Variants in PCDHGB1 observed in about 807,000 individuals in gnomAD.
The protein encoded by PCDHGB1 is protocadherin gamma-B1.
PCDHGB1 carries 34 observed loss-of-function variants against 56.6 expected under a neutral mutation model. The observed-to-expected ratio is 0.60, with a 90% CI of 0.46 to 0.80. The LOEUF (loss-of-function observed/expected upper bound fraction) is 0.80. Among genes scored for constraint, PCDHGB1 ranks in the 30% least tolerant of loss-of-function variants. PCDHGB1 has a pLI of 0.00. For missense variants in PCDHGB1, 1,278 were observed against 1,204.6 expected (o/e 1.06, Z -0.90); for synonymous variants, 561 against 505.9 (o/e 1.11, Z -1.46).
At position 141,477,222 on chromosome 5, in the gene PCDHGB1, C is replaced by T; in HGVS notation, c.2410-17585C>T. Reference sequence around the variant, plus strand: ...GTACCCGAGGATGCCCCTCTGGGGACTGTCATCGCTTTGCTCAGTGTGACT... The same window carrying T: ...GTACCCGAGGATGCCCCTCTGGGGATTGTCATCGCTTTGCTCAGTGTGACT... On this transcript the variant is annotated intron_variant, in intron 1 of 3. Transcript: ENST00000523390. This position sits in a 1 kb window ranked among gnomAD's most constrained non-coding sequence, Gnocchi z 4.9. 2 of 1,614,218 alleles carry T rather than the reference C, an allele frequency of 1.2e-6. No homozygotes were observed. Among genetic ancestry groups the T allele is most frequent in the South Asian group, 1.1e-5 (1 of 91,086 alleles).
intron 1 of PCDHGB1, chr5:141,402,861 A>G (rs2094315270): frequency 7.0e-7 from 1 of 1,430,150 alleles, no homozygotes; most frequent in Non-Finnish European, 9.2e-7. Context: ...CTTCTAAGGA[A>G]AAGATCACCA....
At chr5:141,382,133 T>C (rs1420684997) in intron 1 of PCDHGB1, among the ~76,000 whole-genome samples, 3 of 152,068 alleles carry the variant, frequency 2.0e-5, no homozygotes, top group Admixed American at 6.6e-5. Context: ...TGGCCCCCCC[T>C]CTCATTTTTT....
rs1453419469 is a variant in PCDHGB1, at chr5:141,505,501, G to A, written c.2557+20G>A. On this transcript the variant is annotated intron_variant, in intron 3 of 3. Transcript: ENST00000523390. ...CCAGTGGTAAGTGGTGTCAGTGTGT[G>A]TATGGAAGAGTGGGAGACCTGGGGT... The A allele has an allele frequency of 1.2e-6, 2 of 1,614,156 alleles. No homozygotes were observed. Among genetic ancestry groups the A allele is most frequent in the Non-Finnish European group, 1.7e-6 (2 of 1,179,970 alleles).
At chr5:141,425,805 C>T (rs1419480761) in intron 1 of PCDHGB1, among the ~76,000 whole-genome samples, 1 of 152,158 alleles carries the variant, frequency 6.6e-6, no homozygotes, top group African/African-American at 2.4e-5. Context: ...TGCATTGCTT[C>T]TGCTTAGAAA....
intron 1 of PCDHGB1, chr5:141,360,947 A>G: frequency 6.2e-7 from 1 of 1,614,012 alleles, no homozygotes; most frequent in Non-Finnish European, 8.5e-7. Flanking sequence ...GACCGGGATG[A>G]AGGCATAAAC....
At chr5:141,398,797 G>A (rs1338071296) in intron 1 of PCDHGB1, 2 of 1,613,898 alleles carry the variant, frequency 1.2e-6, no homozygotes, top group South Asian at 1.1e-5. Flanking sequence ...ACCCCTAAGC[G>A]GCACCACTGA....
chr5:141,463,438 C>CTTTTTTTT (rs71576115), intron 1 of PCDHGB1, among the ~76,000 whole-genome samples: 3 of 103,252 alleles, frequency 2.9e-5, no homozygotes, highest in African/African-American at 8.9e-5. Context: ...TTTCCTTCTC[C>CTTTTTTTT]TTTTTTTTTT....
intron 1 of PCDHGB1, chr5:141,400,051 G>A (rs1253013919): frequency 6.2e-7 from 1 of 1,613,762 alleles, no homozygotes; most frequent in East Asian, 2.2e-5. Flanking sequence ...GCTGGTTGCT[G>A]TGCGTGATGG....
At chr5:141,384,383 C>T in intron 1 of PCDHGB1, 1 of 1,613,946 alleles carries the variant, frequency 6.2e-7, no homozygotes. Flanking sequence ...GCCGAAGACA[C>T]CATCCAGGGG....
chr5:141,355,461 G>C (rs769145045), intron 1 of PCDHGB1: 12 of 1,613,950 alleles, frequency 7.4e-6, no homozygotes, highest in Middle Eastern at 1.6e-4. Context: ...TGGTCACCGC[G>C]GGTAGGATAG....
At chr5:141,417,772 C>A (rs2240701) in intron 1 of PCDHGB1, 340,590 of 1,455,726 alleles carry the variant, frequency 0.23, 43,476 homozygotes, top group African/African-American at 0.5. Flanking sequence ...GGGACTCCTC[C>A]TGTCCTGGGC....
chr5:141,374,825 C>G (rs11575953), intron 1 of PCDHGB1: 15 of 1,613,780 alleles, frequency 9.3e-6, no homozygotes, highest in Middle Eastern at 1.6e-4. Context: ...GCCTGTCTAC[C>G]GTGTAAGTGT....
intron 1 of PCDHGB1, chr5:141,408,761 G>A (rs1469424988): frequency 8.7e-6 from 14 of 1,610,446 alleles, no homozygotes; most frequent in Non-Finnish European, 1.2e-5. Flanking sequence ...AGTTAATTCC[G>A]ATGGTGGCAA....
At chr5:141,377,295 G>A (rs2150107676) in intron 1 of PCDHGB1, 2 of 152,102 alleles carry the variant, frequency 1.3e-5, no homozygotes, top group Middle Eastern at 6.8e-3. Context: ...CTTAATTTAG[G>A]TCAGTGTTAA....
chr5:141,478,347 C>T, intron 1 of PCDHGB1: 2 of 1,613,802 alleles, frequency 1.2e-6, no homozygotes, highest in Non-Finnish European at 1.7e-6. Context: ...TCCTTGCACG[C>T]GGACGCCGTG....
chr5:141,362,202 G>A, intron 1 of PCDHGB1: 1 of 1,614,078 alleles, frequency 6.2e-7, no homozygotes, highest in Non-Finnish European at 8.5e-7. Flanking sequence ...CAAAACTGCA[G>A]TTTTACCTGG....
intron 1 of PCDHGB1, chr5:141,357,632 C>T (rs1588529115): frequency 1.2e-6 from 2 of 1,612,944 alleles, no homozygotes; most frequent in South Asian, 1.1e-5. Flanking sequence ...GTGAGTCAAT[C>T]TTATAATAGA....
At chr5:141,380,146 C>T (rs754635164) in intron 1 of PCDHGB1, among the ~76,000 whole-genome samples, 19 of 151,960 alleles carry the variant, frequency 1.3e-4, no homozygotes, top group African/African-American at 4.1e-4. Flanking sequence ...GTGATCCACC[C>T]GCCTCAGCCT....
At chr5:141,364,574 G>A (rs184408500) in intron 1 of PCDHGB1, 1 of 1,614,048 alleles carries the variant, frequency 6.2e-7, no homozygotes, top group African/African-American at 1.3e-5. Context: ...CCCGCGAAGC[G>A]GCAGCTTGGT....
Sources: gnomAD v4.1 joint callset for allele counts (sites outside exome capture counted in the v4.1 genomes callset) on GRCh38, gnomAD v4.1.1 for gene constraint, Gnocchi (gnomAD v3.1) non-coding constraint, MANE v1.5 for transcripts, NCBI Gene and HGNC (gene_info 2026-07-23, HGNC 2026-07-21) for gene names.